Variants in FHIT observed in about 807,000 individuals in gnomAD.
The protein encoded by FHIT is fragile histidine triad diadenosine triphosphatase.
FHIT carries 19 observed loss-of-function variants against 17.9 expected under a neutral mutation model. The ratio of observed to expected loss-of-function variants is 1.06; its 90% CI spans 0.74 to 1.56. The LOEUF (loss-of-function observed/expected upper bound fraction) is 1.56, where lower values mean the gene tolerates loss of function less well. Ranked by LOEUF, FHIT falls within the 40% of genes most tolerant of loss-of-function variation. FHIT has a pLI of 0.00. For missense variants in FHIT, 248 were observed against 189.2 expected (o/e 1.31, Z -1.82); for synonymous variants, 81 against 69.7 (o/e 1.16, Z -0.81).
intron 8 of FHIT, among the ~76,000 whole-genome samples, chr3:59,802,232 T>C (rs1307651937): frequency 1.3e-5 from 2 of 152,184 alleles, no homozygotes; most frequent in African/African-American, 2.4e-5. Flanking sequence ...TTGGCAATAA[T>C]TAACTGTAGC....
intron 5 of FHIT, among the ~76,000 whole-genome samples, chr3:60,026,832 C>T (rs1265111102): frequency 2.0e-5 from 3 of 152,058 alleles, no homozygotes; most frequent in African/African-American, 7.2e-5. Flanking sequence ...GGTGTGGTGG[C>T]TCACGCCTGT....
chr3:60,126,425 T>C (rs1705553442), intron 5 of FHIT, among the ~76,000 whole-genome samples: 1 of 152,154 alleles, frequency 6.6e-6, no homozygotes, highest in African/African-American at 2.4e-5. Context: ...AGTTAGGGAA[T>C]ACAGTAACAA....
At chr3:60,176,168 A>T (rs1335212090) in intron 5 of FHIT, among the ~76,000 whole-genome samples, 1 of 152,184 alleles carries the variant, frequency 6.6e-6, no homozygotes, top group Non-Finnish European at 1.5e-5. Flanking sequence ...CCTGGCCAAC[A>T]TGGCGAAACC....
In FHIT at chr3:60,536,996, T is replaced by G; in HGVS notation, c.-17-17A>C. The G allele has an allele frequency of 6.3e-7, 1 of 1,583,456 alleles. No homozygotes were observed. On this transcript the variant is annotated splice_polypyrimidine_tract_variant and intron_variant, in intron 4 of 9. Transcript: ENST00000492590. Reference sequence around the variant, plus strand: ...AGTTGAAGTCTAAAAGAAAAGACAATGGATAGTTATAAAATTCAATTAAGA... The same window carrying G: ...AGTTGAAGTCTAAAAGAAAAGACAAGGGATAGTTATAAAATTCAATTAAGA...
At chr3:60,519,912 C>T (rs1231305058) in intron 5 of FHIT, among the ~76,000 whole-genome samples, 1 of 152,118 alleles carries the variant, frequency 6.6e-6, no homozygotes, top group Non-Finnish European at 1.5e-5. Context: ...TGACCATCAG[C>T]TCAGAGATGA....
intron 8 of FHIT, among the ~76,000 whole-genome samples, chr3:59,782,842 A>G (rs1269223479): frequency 3.3e-5 from 5 of 152,086 alleles, no homozygotes; most frequent in Non-Finnish European, 7.4e-5. Flanking sequence ...CATCACTACC[A>G]TCTTCTAAAA....
chr3:60,981,345 C>T (rs1710485683), intron 3 of FHIT, among the ~76,000 whole-genome samples: 1 of 148,848 alleles, frequency 6.7e-6, no homozygotes, highest in African/African-American at 2.5e-5. Context: ...CACTCTGTCA[C>T]CCAGGCTGGA....
intron 5 of FHIT, among the ~76,000 whole-genome samples, chr3:60,076,374 C>T (rs2736764): frequency 1.3e-5 from 2 of 151,828 alleles, no homozygotes; most frequent in Non-Finnish European, 2.9e-5. Flanking sequence ...TCAGAAAAGC[C>T]TATTTCTCTT....
At chr3:59,862,561 G>C (rs926558754) in intron 8 of FHIT, among the ~76,000 whole-genome samples, 1 of 152,214 alleles carries the variant, frequency 6.6e-6, no homozygotes, top group South Asian at 2.1e-4. Context: ...AGCAGACACA[G>C]AGAATGTTTC....
intron 5 of FHIT, among the ~76,000 whole-genome samples, chr3:60,346,174 T>C (rs1710768502): frequency 6.6e-6 from 1 of 152,200 alleles, no homozygotes; most frequent in Non-Finnish European, 1.5e-5. Context: ...CCTCACGCAA[T>C]GTCCATCAAT....
At chr3:60,885,040 C>T (rs2107145046) in intron 3 of FHIT, among the ~76,000 whole-genome samples, 1 of 151,578 alleles carries the variant, frequency 6.6e-6, no homozygotes, top group South Asian at 2.1e-4. Flanking sequence ...GCTACTAGAG[C>T]CTGGAAAGGG....
At chr3:60,269,797 TGTAA>T (rs1706771925) in intron 5 of FHIT, among the ~76,000 whole-genome samples, 1 of 152,238 alleles carries the variant, frequency 6.6e-6, no homozygotes, top group African/African-American at 2.4e-5. Context: ...GAAAGGAATC[TGTAA>T]GTGTTACAGG....
At chr3:60,204,222 A>C (rs1168773292) in intron 5 of FHIT, among the ~76,000 whole-genome samples, 1 of 152,104 alleles carries the variant, frequency 6.6e-6, no homozygotes, top group Non-Finnish European at 1.5e-5. Context: ...TGTACCCGTG[A>C]AAATGAGAAA....
chr3:61,202,091 C>G (rs919633018), intron 1 of FHIT, among the ~76,000 whole-genome samples: 1 of 151,618 alleles, frequency 6.6e-6, no homozygotes, highest in Non-Finnish European at 1.5e-5. Context: ...CACACACACA[C>G]GCACATACAC....
At chr3:60,438,624 C>T (rs912433569) in intron 5 of FHIT, among the ~76,000 whole-genome samples, 4 of 152,148 alleles carry the variant, frequency 2.6e-5, no homozygotes, top group African/African-American at 9.7e-5. Flanking sequence ...CAACAGCCTT[C>T]AAAAATTACA....
intron 8 of FHIT, among the ~76,000 whole-genome samples, chr3:59,789,961 C>G (rs1403244423): frequency 1.3e-5 from 2 of 152,190 alleles, no homozygotes; most frequent in African/African-American, 4.8e-5. Context: ...TCTCCCATCA[C>G]TCCCAAAGCT....
chr3:60,403,640 C>A (rs1346894075), intron 5 of FHIT, among the ~76,000 whole-genome samples: 1 of 152,110 alleles, frequency 6.6e-6, no homozygotes, highest in African/African-American at 2.4e-5. Context: ...AAGCGTCCTG[C>A]CCCATACCCA....
intron 4 of FHIT, among the ~76,000 whole-genome samples, chr3:60,718,903 T>G (rs2041747540): frequency 6.6e-6 from 1 of 152,188 alleles, no homozygotes; most frequent in African/African-American, 2.4e-5. Context: ...CTTTTGATAC[T>G]TTGATGCTTT....
intron 2 of FHIT, among the ~76,000 whole-genome samples, chr3:61,062,223 C>T (rs1388630850): frequency 6.6e-6 from 1 of 151,968 alleles, no homozygotes; most frequent in African/African-American, 2.4e-5. Flanking sequence ...ACAGGGTATC[C>T]CCCTGATTTT....
Sources: allele counts gnomAD v4.1 joint callset (sites outside exome capture counted in the v4.1 genomes callset), GRCh38; gene constraint gnomAD v4.1.1; transcripts MANE v1.5; gene names NCBI Gene and HGNC (gene_info 2026-07-23, HGNC 2026-07-21).